Variants in LCLAT1 observed in about 807,000 individuals in gnomAD.
The protein encoded by LCLAT1 is lysocardiolipin acyltransferase 1.
Under a neutral mutation model 30.7 loss-of-function variants are expected in LCLAT1, and 11 were observed. The observed-to-expected ratio is 0.36, with a 90% CI of 0.23 to 0.59. The LOEUF (loss-of-function observed/expected upper bound fraction) is 0.59. Among genes scored for constraint, LCLAT1 ranks in the 20% least tolerant of loss-of-function variants. LCLAT1 has a pLI of 0.77. For synonymous variants in LCLAT1, 155 were observed against 151.3 expected (o/e 1.02, Z -0.18); for missense variants, 402 against 458.6 (o/e 0.88, Z 1.13).
chr2:30,546,209 A>G (rs1664402398), intron 3 of LCLAT1, among the ~76,000 whole-genome samples: 1 of 152,174 alleles, frequency 6.6e-6, no homozygotes, highest in Non-Finnish European at 1.5e-5. Context: ...GATATGTAGA[A>G]GTTCCTGTAG....
At chr2:30,629,485 G>A (rs1188393240) in intron 5 of LCLAT1, among the ~76,000 whole-genome samples, 2 of 152,124 alleles carry the variant, frequency 1.3e-5, no homozygotes, top group South Asian at 2.1e-4. Flanking sequence ...GCTTGAACCC[G>A]GGAAGTGGAA....
intron 1 of LCLAT1, among the ~76,000 whole-genome samples, chr2:30,490,033 A>C (rs957843043): frequency 1.3e-5 from 2 of 152,114 alleles, no homozygotes; most frequent in Non-Finnish European, 2.9e-5. Flanking sequence ...GTATTAACTC[A>C]TCTGATTTTC....
chr2:30,493,772 A>G (rs181840484), intron 1 of LCLAT1, among the ~76,000 whole-genome samples: 20 of 151,884 alleles, frequency 1.3e-4, no homozygotes, highest in Non-Finnish European at 2.6e-4. Context: ...TATCTTAAAT[A>G]TGATACCAAT....
chr2:30,474,104 AT>A (rs1558460771), intron 1 of LCLAT1, among the ~76,000 whole-genome samples: 1 of 152,246 alleles, frequency 6.6e-6, no homozygotes, highest in Non-Finnish European at 1.5e-5. Flanking sequence ...GGCAAATGTT[AT>A]ACCTGTTTCA....
chr2:30,474,009 CTG>C (rs1055131551), intron 1 of LCLAT1, among the ~76,000 whole-genome samples: 1 of 152,056 alleles, frequency 6.6e-6, no homozygotes, highest in Non-Finnish European at 1.5e-5. Context: ...AATAAGAAAA[CTG>C]TGTAATGTGT....
At chr2:30,604,009 C>T (rs994906768) in intron 5 of LCLAT1, among the ~76,000 whole-genome samples, 1 of 152,008 alleles carries the variant, frequency 6.6e-6, no homozygotes, top group Non-Finnish European at 1.5e-5. Context: ...GAATATTTAC[C>T]TGGCTGTATA....
At chr2:30,468,439 A>C (rs1254627940) in intron 1 of LCLAT1, among the ~76,000 whole-genome samples, 1 of 152,062 alleles carries the variant, frequency 6.6e-6, no homozygotes, top group African/African-American at 2.4e-5. Context: ...CTGCAAAATT[A>C]ATTGAAATTT....
At chr2:30,592,114 C>T (rs1329649164) in intron 5 of LCLAT1, among the ~76,000 whole-genome samples, 2 of 152,156 alleles carry the variant, frequency 1.3e-5, no homozygotes, top group Non-Finnish European at 2.9e-5. Context: ...ATACTGTCAA[C>T]CTTTTTGCCC....
chr2:30,638,288 G>A (rs924288646), intron 5 of LCLAT1, among the ~76,000 whole-genome samples: 1 of 152,156 alleles, frequency 6.6e-6, no homozygotes, highest in Non-Finnish European at 1.5e-5. Flanking sequence ...CTTTATTACT[G>A]CTATTGAGGT....
intron 1 of LCLAT1, among the ~76,000 whole-genome samples, chr2:30,514,802 C>A (rs1685105596): frequency 6.6e-6 from 1 of 152,294 alleles, no homozygotes; most frequent in Non-Finnish European, 1.5e-5. Context: ...CTGTTTGGAT[C>A]CAGAGCAGGC....
At chr2:30,629,660 G>A (rs148922353) in intron 5 of LCLAT1, among the ~76,000 whole-genome samples, 1 of 152,186 alleles carries the variant, frequency 6.6e-6, no homozygotes, top group African/African-American at 2.4e-5. Context: ...TACATTTTTG[G>A]TGTGCATTTA....
intron 1 of LCLAT1, among the ~76,000 whole-genome samples, chr2:30,454,161 C>T (rs1259657828): frequency 2.0e-5 from 3 of 152,162 alleles, no homozygotes; most frequent in African/African-American, 4.8e-5. Context: ...ATGTAACTTA[C>T]GGTAGCTACT....
At chr2:30,632,875 G>A (rs1668836182) in intron 5 of LCLAT1, among the ~76,000 whole-genome samples, 1 of 152,166 alleles carries the variant, frequency 6.6e-6, no homozygotes, top group South Asian at 2.1e-4. Context: ...TGTAGAAGGG[G>A]AAATTAATAA....
chr2:30,640,166 C>T lies in LCLAT1; in HGVS notation c.678C>T (p.Asn226=), dbSNP rs1226341260. The change falls in exon 6 of 6, where the codon AAC becomes AAT. Residue 226 remains asparagine, a synonymous_variant. Transcript: ENST00000379509. The stretch of plus-strand genomic sequence containing the variant: ...ATATCACTGTGGCGTATCCTCACAA[C>T]ATTCCTCAATCAGAGAAGCACCTCC... ...VHDITVAYPH[N]IPQSEKHLLQ... is the part of the protein sequence containing the mutation. 1 of 1,614,012 alleles carries T rather than the reference C, an allele frequency of 6.2e-7. No homozygotes were observed. Among genetic ancestry groups the T allele is most frequent in the South Asian group, 1.1e-5 (1 of 91,056 alleles).
chr2:30,578,660 T>A (rs1459877859), intron 5 of LCLAT1, among the ~76,000 whole-genome samples: 1 of 152,074 alleles, frequency 6.6e-6, no homozygotes, highest in Non-Finnish European at 1.5e-5. Context: ...AAAAACAAAT[T>A]CCTATTTTTG....
chr2:30,587,873 T>G (rs1666513216), intron 5 of LCLAT1, among the ~76,000 whole-genome samples: 1 of 152,216 alleles, frequency 6.6e-6, no homozygotes, highest in Admixed American at 6.5e-5. Context: ...TTGACCAGTC[T>G]TTAAGTGTTG....
At chr2:30,540,398 A>C (rs1572596923) in intron 3 of LCLAT1, among the ~76,000 whole-genome samples, 2 of 152,204 alleles carry the variant, frequency 1.3e-5, no homozygotes, top group African/African-American at 4.8e-5. Context: ...TTCAGCACTT[A>C]CTAATAATGT....
chr2:30,598,369 G>A (rs1667023647), intron 5 of LCLAT1, among the ~76,000 whole-genome samples: 1 of 151,524 alleles, frequency 6.6e-6, no homozygotes, highest in Admixed American at 6.6e-5. Context: ...TTCAGTCTTG[G>A]GAGGGTGTAT....
chr2:30,604,660 CAAAAAAAAAAA>C (rs71405526), intron 5 of LCLAT1, among the ~76,000 whole-genome samples: 8 of 95,888 alleles, frequency 8.3e-5, no homozygotes, highest in Non-Finnish European at 1.4e-4. Context: ...GACTCCGTCT[CAAAAAAAAAAA>C]AAAAAAAAAA....
Sources: allele counts gnomAD v4.1 joint callset (sites outside exome capture counted in the v4.1 genomes callset), GRCh38; gene constraint gnomAD v4.1.1; transcripts MANE v1.5; gene names NCBI Gene and HGNC (gene_info 2026-07-23, HGNC 2026-07-21).